HDX: variants seen among roughly 807,000 people sequenced by gnomAD.
HDX encodes highly divergent homeobox, also known as chromosome X open reading frame 43.
In HDX, 19 loss-of-function variants were observed where a neutral mutation model predicts 45.2. The observed-to-expected ratio is 0.42, with a 90% CI of 0.29 to 0.62. The LOEUF (loss-of-function observed/expected upper bound fraction) is 0.62. Among genes scored for constraint, HDX ranks in the 20% least tolerant of loss-of-function variants. The pLI, the probability that HDX is intolerant of heterozygous loss-of-function variation, is 0.20. For synonymous variants in HDX, 188 were observed against 172.8 expected (o/e 1.09, Z -0.69); for missense variants, 532 against 493.9 (o/e 1.08, Z -0.73).
chrX:84,384,752 C>T (rs769830587), intron 5 of HDX, among the ~76,000 whole-genome samples: 1 of 110,907 alleles, frequency 9.0e-6, no homozygotes, highest in East Asian at 2.8e-4. Flanking sequence ...AATGACTAGC[C>T]AGTTACCTCA....
chrX:84,449,946 G>A (rs1042956373), intron 4 of HDX, among the ~76,000 whole-genome samples: 4 of 109,914 alleles, frequency 3.6e-5, no homozygotes, highest in African/African-American at 9.9e-5. Context: ...ATCACACACC[G>A]GGCCTGTTGT....
chrX:84,384,419 C>T (rs1238408131), intron 5 of HDX, among the ~76,000 whole-genome samples: 2 of 110,370 alleles, frequency 1.8e-5, no homozygotes, highest in African/African-American at 6.6e-5. Flanking sequence ...TTCTAGATAT[C>T]AGGCCTTTGT....
At chrX:84,322,789 C>G (rs2036624031) in intron 10 of HDX, among the ~76,000 whole-genome samples, 1 of 111,222 alleles carries the variant, frequency 9.0e-6, no homozygotes, top group Non-Finnish European at 1.9e-5. Context: ...ACGCAGCTGA[C>G]AATGCTAATG....
intron 6 of HDX, among the ~76,000 whole-genome samples, chrX:84,354,704 T>C (rs2037432818): frequency 9.2e-6 from 1 of 108,776 alleles, no homozygotes; most frequent in Non-Finnish European, 1.9e-5. Flanking sequence ...TGTTGTAAAG[T>C]TTTTTCCAAA....
Position 84,323,107 on chromosome X carries a change from A to G in HDX, c.1948-1093T>C, listed in dbSNP as rs1335902897. 8.1e-5 allele frequency among the ~76,000 whole-genome samples: 9 copies of G among 111,457 alleles called. No homozygotes were observed. In the South Asian group the frequency reaches 2.2e-3, roughly 28 times the overall value. ...ACTTCCTGCCTTGTAGCACAGGGGCAAGATCAAAACATTCTCATTTTTATC... is the reference window on the plus strand; with the variant it reads ...ACTTCCTGCCTTGTAGCACAGGGGCGAGATCAAAACATTCTCATTTTTATC... On this transcript the variant is annotated intron_variant, in intron 10 of 10. Coordinates refer to ENST00000373177, the MANE Select transcript of HDX (RefSeq NM_001177479.2).
Position 84,383,939 on chromosome X carries a change from T to C in HDX, c.1306-22327A>G, listed in dbSNP as rs183759485. On this transcript the variant is annotated intron_variant, in intron 5 of 10. Transcript: ENST00000373177. The stretch of plus-strand genomic sequence containing the variant: ...GTGTATATGTATGACATTTTCTTTA[T>C]CTAGTCCACTGTTGATAGACATTTA... Among the ~76,000 whole-genome samples, 54 of 111,776 alleles carry C rather than the reference T, an allele frequency of 4.8e-4. No individual in the cohort carries two copies. The East Asian group carries it at 0.015, about 31-fold the overall frequency.
chrX:84,325,963 G>T (rs971609828), intron 10 of HDX, among the ~76,000 whole-genome samples: 1 of 111,741 alleles, frequency 8.9e-6, no homozygotes, highest in African/African-American at 3.2e-5. Context: ...TTAAAAGCAT[G>T]TTAATCAATT....
chrX:84,464,572 G>A (rs1421993077), intron 4 of HDX, among the ~76,000 whole-genome samples: 3 of 111,640 alleles, frequency 2.7e-5, no homozygotes, highest in Admixed American at 9.5e-5. Flanking sequence ...ACAAGAAATG[G>A]GGAATGGATT....
intron 6 of HDX, among the ~76,000 whole-genome samples, chrX:84,353,227 A>G (rs1333927267): frequency 8.9e-6 from 1 of 111,918 alleles, no homozygotes; most frequent in Non-Finnish European, 1.9e-5. Context: ...ACATTTTTAC[A>G]GAATCATGGA....
At chrX:84,335,580 T>A (rs766767589) in intron 8 of HDX, among the ~76,000 whole-genome samples, 1 of 111,432 alleles carries the variant, frequency 9.0e-6, no homozygotes, top group African/African-American at 3.2e-5. Context: ...GGGAAAGATG[T>A]TTCAATTTGT....
At chrX:84,398,090 A>ATG (rs1197119385) in intron 5 of HDX, among the ~76,000 whole-genome samples, 4 of 109,812 alleles carry the variant, frequency 3.6e-5, no homozygotes, top group South Asian at 8.1e-4. Context: ...TATATATAGT[A>ATG]TGTGTGTATG....
intron 2 of HDX, among the ~76,000 whole-genome samples, chrX:84,486,382 T>C (rs901788677): frequency 9.1e-6 from 1 of 110,175 alleles, no homozygotes; most frequent in Non-Finnish European, 1.9e-5. Context: ...CAGTCATACA[T>C]ATTTTAAAGA....
chrX:84,457,356 G>T (rs1404021586), intron 4 of HDX, among the ~76,000 whole-genome samples: 1 of 111,208 alleles, frequency 9.0e-6, no homozygotes, highest in East Asian at 2.8e-4. Context: ...GAAGATTCAA[G>T]AACCTTGAGA....
chrX:84,324,459 T>C (rs1318727763), intron 10 of HDX, among the ~76,000 whole-genome samples: 1 of 111,375 alleles, frequency 9.0e-6, no homozygotes, highest in Non-Finnish European at 1.9e-5. Flanking sequence ...ATTCTAAGAT[T>C]CATTATACTC....
At chrX:84,405,851 A>T (rs1486608742) in intron 5 of HDX, among the ~76,000 whole-genome samples, 1 of 110,528 alleles carries the variant, frequency 9.0e-6, no homozygotes, top group East Asian at 2.8e-4. Flanking sequence ...AATATATAAC[A>T]TTAATGAGCA....
Position 84,396,471 on chromosome X carries a change from A to G in HDX, c.1306-34859T>C, listed in dbSNP as rs946393796. ...TCCTTGGGCCCTAAGGCAGAGTATT[A>G]TGGCACCTGTGTTAGTGGATCTATG... On this transcript the variant is annotated intron_variant, in intron 5 of 10. Coordinates refer to ENST00000373177, the MANE Select transcript of HDX (RefSeq NM_001177479.2). 2.7e-5 allele frequency among the ~76,000 whole-genome samples: 3 copies of G among 111,931 alleles called. No homozygotes were observed. The Admixed American group carries it at 2.8e-4, about 11-fold the overall frequency.
chrX:84,413,902 C>T (rs753699648), intron 5 of HDX, among the ~76,000 whole-genome samples: 33 of 111,299 alleles, frequency 3.0e-4, no homozygotes, highest in Non-Finnish European at 5.1e-4. Flanking sequence ...TTCTTAGCTT[C>T]ACCTTTTTGC....
chrX:84,489,675 A>G (rs774303728), intron 1 of HDX, among the ~76,000 whole-genome samples: 1 of 112,219 alleles, frequency 8.9e-6, no homozygotes, highest in South Asian at 3.7e-4. Context: ...AGGCAGACCT[A>G]AGTGTATGGT....
chrX:84,492,578 A>G (rs918516978), intron 1 of HDX, among the ~76,000 whole-genome samples: 2 of 111,852 alleles, frequency 1.8e-5, no homozygotes, highest in African/African-American at 6.5e-5. Context: ...CTTCATTAAA[A>G]TACTTAATAA....
Sources: allele counts gnomAD v4.1 joint callset (sites outside exome capture counted in the v4.1 genomes callset), GRCh38; gene constraint gnomAD v4.1.1; transcripts MANE v1.5; gene names NCBI Gene and HGNC (gene_info 2026-07-23, HGNC 2026-07-21).